The following THSD7A variants were observed in gnomAD, a reference collection of about 807,000 sequenced individuals.
The protein encoded by THSD7A is thrombospondin type 1 domain containing 7A, also known as thrombospondin type-1 domain-containing protein 7A.
THSD7A carries 96 observed loss-of-function variants against 231.3 expected under a neutral mutation model. That is an observed-to-expected ratio of 0.41 (90% CI 0.35 to 0.49). THSD7A has a LOEUF of 0.49. Ranked by LOEUF, THSD7A falls within the 20% of genes least tolerant of loss-of-function variation. The pLI is 0.05. For missense variants in THSD7A, 2,290 were observed against 2,070.2 expected, an observed-to-expected ratio of 1.11 and a Z score of -2.06; for synonymous variants, 940 against 743.3, an observed-to-expected ratio of 1.26 and a Z score of -4.30.
intron 1 of THSD7A, among the ~76,000 whole-genome samples, chr7:11,638,575 A>G (rs184589193): frequency 2.6e-5 from 4 of 152,336 alleles, no homozygotes; most frequent in Admixed American, 2.6e-4. Context: ...TGTGCTAACT[A>G]ATCATTATTG....
chr7:11,723,484 T>TA, intron 1 of THSD7A, among the ~76,000 whole-genome samples: 1 of 151,500 alleles, frequency 6.6e-6, no homozygotes, highest in African/African-American at 2.4e-5. Flanking sequence ...ATAAAAAAAA[T>TA]AAAAAAATAA....
chr7:11,596,713 G>A (rs1410132476), intron 2 of THSD7A, among the ~76,000 whole-genome samples: 1 of 152,220 alleles, frequency 6.6e-6, no homozygotes, highest in Non-Finnish European at 1.5e-5. Context: ...CATTTGGCCT[G>A]TGCAGAAGAC....
chr7:11,829,264 C>T (rs1785120068), intron 1 of THSD7A, among the ~76,000 whole-genome samples: 1 of 151,592 alleles, frequency 6.6e-6, no homozygotes. Context: ...CTTTATATAC[C>T]CTTATTTGTT....
At chr7:11,686,251 G>C (rs1028801460) in intron 1 of THSD7A, among the ~76,000 whole-genome samples, 2 of 151,694 alleles carry the variant, frequency 1.3e-5, no homozygotes, top group African/African-American at 4.8e-5. Context: ...TTCACTATTT[G>C]GGTGATAAGA....
At chr7:11,505,768 G>C (rs1292204349) in intron 6 of THSD7A, among the ~76,000 whole-genome samples, 1 of 152,054 alleles carries the variant, frequency 6.6e-6, no homozygotes, top group Non-Finnish European at 1.5e-5. Context: ...AGAATAACTG[G>C]GATATGAAGC....
intron 4 of THSD7A, among the ~76,000 whole-genome samples, chr7:11,546,191 T>TGCG (rs770131257): frequency 2.7e-5 from 2 of 73,518 alleles, no homozygotes; most frequent in Non-Finnish European, 6.1e-5. Flanking sequence ...TTGTTGCTGG[T>TGCG]GTGGGCGCGC....
intron 9 of THSD7A, among the ~76,000 whole-genome samples, chr7:11,464,630 T>C (rs1339008272): frequency 6.6e-6 from 1 of 152,176 alleles, no homozygotes; most frequent in Non-Finnish European, 1.5e-5. Flanking sequence ...TATAAGACTA[T>C]GATGACTCTC....
intron 23 of THSD7A, among the ~76,000 whole-genome samples, chr7:11,387,615 T>A (rs914084047): frequency 6.6e-6 from 1 of 152,120 alleles, no homozygotes; most frequent in Non-Finnish European, 1.5e-5. Flanking sequence ...TGGGCTGATA[T>A]GATGGGGTTT....
chr7:11,780,649 C>T (rs776225919), intron 1 of THSD7A, among the ~76,000 whole-genome samples: 4 of 152,120 alleles, frequency 2.6e-5, no homozygotes, highest in Non-Finnish European at 5.9e-5. Context: ...AAACTGTGAG[C>T]CAGAATCACC....
intron 2 of THSD7A, among the ~76,000 whole-genome samples, chr7:11,621,816 G>C (rs1402395026): frequency 6.6e-6 from 1 of 152,062 alleles, no homozygotes; most frequent in Non-Finnish European, 1.5e-5. Context: ...TCCAAGGAAA[G>C]CTCCATGATT....
In THSD7A at chr7:11,639,676, T is replaced by A. The variant is rs191609841; in HGVS notation, c.191-2715A>T. Among the ~76,000 whole-genome samples, 830 of 140,266 alleles carry A rather than the reference T, an allele frequency of 5.9e-3. 4 individuals are homozygous for A. The highest frequency in any genetic ancestry group is 0.017 in the African/African-American group (645 of 39,052). 92.0% of individuals were successfully genotyped at this position (140,266 alleles called of 152,430 possible). ...GATTGAGACTCCGTCTCAAAAAAAA[T>A]AATAATAATAAATAAAATAAAATAG... On this transcript the variant is annotated intron_variant, in intron 1 of 27. Transcript: ENST00000423059.
At chr7:11,456,289 A>C (rs1436367240) in intron 11 of THSD7A, among the ~76,000 whole-genome samples, 1 of 151,926 alleles carries the variant, frequency 6.6e-6, no homozygotes, top group Non-Finnish European at 1.5e-5. Flanking sequence ...TCCATAGCCC[A>C]TGTATTTTCT....
intron 4 of THSD7A, among the ~76,000 whole-genome samples, chr7:11,572,767 G>C (rs1047401405): frequency 6.6e-6 from 1 of 151,864 alleles, no homozygotes. Context: ...CAGCCTCCCA[G>C]AGTGCTGGGA....
intron 16 of THSD7A, among the ~76,000 whole-genome samples, 172 bp downstream of exon 16, chr7:11,424,524 C>T (rs182773110): frequency 1.3e-5 from 2 of 152,294 alleles, no homozygotes; most frequent in East Asian, 1.9e-4. Flanking sequence ...TAATAAACTG[C>T]TGCTTGAAGC....
intron 4 of THSD7A, among the ~76,000 whole-genome samples, chr7:11,568,185 T>C (rs753493751): frequency 1.6e-4 from 25 of 152,164 alleles, no homozygotes; most frequent in Admixed American, 4.6e-4. Context: ...TGTATTATTA[T>C]TAAGTTCACT....
intron 1 of THSD7A, among the ~76,000 whole-genome samples, chr7:11,772,674 G>A (rs1783272224): frequency 1.3e-5 from 2 of 152,212 alleles, no homozygotes; most frequent in South Asian, 4.1e-4. Flanking sequence ...AGTATACATG[G>A]ACACAAACAT....
At chr7:11,693,241 A>T (rs937585464) in intron 1 of THSD7A, among the ~76,000 whole-genome samples, 8 of 151,622 alleles carry the variant, frequency 5.3e-5, no homozygotes, top group African/African-American at 1.9e-4. Flanking sequence ...AACAAAGGAC[A>T]TACACATTAC....
At position 11,812,396 on chromosome 7, in the gene THSD7A, T is replaced by C. The variant is rs562229785; in HGVS notation, c.190+19361A>G. On this transcript the variant is annotated intron_variant, in intron 1 of 27. Coordinates refer to ENST00000423059, the MANE Select transcript of THSD7A (RefSeq NM_015204.3). The stretch of plus-strand genomic sequence containing the variant: ...CAGCACTTTATGCTTTTAAATAAGA[T>C]ACATTGCATCATGAAACAATATGGG... Among the ~76,000 whole-genome samples, 104 of 152,276 alleles carry C rather than the reference T, an allele frequency of 6.8e-4. 1 individual carries two copies. The highest frequency in any genetic ancestry group is 3.1e-3 in the South Asian group (15 of 4,826).
At chr7:11,491,566 A>C (rs1161214256) in intron 6 of THSD7A, among the ~76,000 whole-genome samples, 1 of 152,114 alleles carries the variant, frequency 6.6e-6, no homozygotes, top group Non-Finnish European at 1.5e-5. Context: ...ATACAGTTAC[A>C]CTGAGCTATA....
Sources: gnomAD v4.1 joint callset for allele counts (sites outside exome capture counted in the v4.1 genomes callset) on GRCh38, gnomAD v4.1.1 for gene constraint, MANE v1.5 for transcripts, NCBI Gene and HGNC (gene_info 2026-07-23, HGNC 2026-07-21) for gene names.